The following TMEM132C variants were observed in gnomAD, a reference collection of about 807,000 sequenced individuals.
TMEM132C encodes the protein transmembrane protein 132C, also known as protein phosphatase 1, regulatory subunit 152.
TMEM132C carries 29 observed loss-of-function variants against 61.4 expected under a neutral mutation model. That is an observed-to-expected ratio of 0.47 (90% CI 0.35 to 0.64). The LOEUF (loss-of-function observed/expected upper bound fraction) is 0.64, where lower values mean the gene tolerates loss of function less well. TMEM132C is among the 30% of genes least tolerant of loss of function. The pLI is 0.00. For missense variants in TMEM132C, 1,408 were observed against 1,476.9 expected (o/e 0.95, Z 0.76); for synonymous variants, 656 against 633.1 (o/e 1.04, Z -0.54).
chr12:128,548,080 G>A (rs1304927657), intron 3 of TMEM132C, among the ~76,000 whole-genome samples: 2 of 152,214 alleles, frequency 1.3e-5, no homozygotes, highest in African/African-American at 2.4e-5. Flanking sequence ...AGCTCTGAGA[G>A]CGGCAGGCAG....
chr12:128,427,078 C>G (rs1285872786), intron 2 of TMEM132C, among the ~76,000 whole-genome samples: 1 of 152,114 alleles, frequency 6.6e-6, no homozygotes. Context: ...ATTCTGGGTA[C>G]TAAGGCATCT....
At chr12:128,534,672 C>G (rs982953205) in intron 2 of TMEM132C, among the ~76,000 whole-genome samples, 29 of 152,328 alleles carry the variant, frequency 1.9e-4, no homozygotes, top group African/African-American at 5.8e-4. Flanking sequence ...TTTTAAAATG[C>G]TGACTCTGGT....
chr12:128,567,495 T>C (rs901336863), intron 3 of TMEM132C, among the ~76,000 whole-genome samples: 1 of 143,282 alleles, frequency 7.0e-6, no homozygotes, highest in Non-Finnish European at 1.5e-5. Context: ...CTATGGAAAG[T>C]GATAGAGGTG....
chr12:128,404,505 C>T (rs1191140380), intron 1 of TMEM132C: 2 of 152,286 alleles, frequency 1.3e-5, no homozygotes, highest in Non-Finnish European at 2.9e-5. Context: ...TGTAAAGAAT[C>T]TATCTCTGGT....
At chr12:128,452,534 T>G (rs1415471005) in intron 2 of TMEM132C, among the ~76,000 whole-genome samples, 3 of 149,972 alleles carry the variant, frequency 2.0e-5, no homozygotes, top group Non-Finnish European at 4.4e-5. Flanking sequence ...AATACAAAAA[T>G]TAGCCAGGCA....
chr12:128,415,123 T>A lies in TMEM132C; in HGVS notation c.477T>A (p.Asp159Glu). Residue 159 changes from aspartate (D) to glutamate (E), a missense_variant, in exon 2 of 9, where the codon GAT (aspartate) becomes GAA (glutamate). Coordinates refer to ENST00000435159, the MANE Select transcript of TMEM132C (RefSeq NM_001136103.3). This position sits in a 1 kb window ranked among gnomAD's most constrained non-coding sequence, Gnocchi z 5.8. The part of the protein sequence containing the change: ...VLFHIMGRDW[D>E]DHGAGEKLPC... ...TCCACATCATGGGCAGAGACTGGGA[T>A]GACCACGGCGCCGGGGAGAAGCTGC... 6.2e-7 allele frequency: 1 copy of A among 1,609,818 alleles called. No individual in the cohort carries two copies. Among genetic ancestry groups the A allele is most frequent in the Middle Eastern group, 1.7e-4 (1 of 6,058 alleles).
At chr12:128,662,603 G>A (rs1323576199) in intron 4 of TMEM132C, among the ~76,000 whole-genome samples, 1 of 152,148 alleles carries the variant, frequency 6.6e-6, no homozygotes, top group African/African-American at 2.4e-5. Flanking sequence ...CCCCAGACAA[G>A]TCAGTCACTC....
intron 4 of TMEM132C, among the ~76,000 whole-genome samples, chr12:128,659,329 G>A (rs947577711): frequency 1.3e-5 from 2 of 152,166 alleles, no homozygotes; most frequent in African/African-American, 4.8e-5. Context: ...AGCCATTACA[G>A]ACACCTGCTC....
intron 1 of TMEM132C, among the ~76,000 whole-genome samples, chr12:128,292,755 T>A (rs1871285828): frequency 6.6e-6 from 1 of 152,166 alleles, no homozygotes; most frequent in Admixed American, 6.5e-5. Context: ...GGTACCCTAG[T>A]ACCTAGATGA....
chr12:128,555,712 C>CTTTTTTTTTTTTTTTTTTTTT (rs1366121376), intron 3 of TMEM132C, among the ~76,000 whole-genome samples: 2 of 140,518 alleles, frequency 1.4e-5, no homozygotes, highest in South Asian at 2.3e-4. Context: ...TGTTGCCTAA[C>CTTTTTTTTTTTTTTTTTTTTT]TTTTTTTTTT....
intron 1 of TMEM132C, among the ~76,000 whole-genome samples, chr12:128,269,358 G>GTGTGTGTT (rs1336481250): frequency 5.3e-5 from 8 of 151,590 alleles, no homozygotes; most frequent in Non-Finnish European, 2.9e-5. Context: ...GTGTGTGTGT[G>GTGTGTGTT]TGTGTGTGTG....
At chr12:128,495,983 T>C (rs1228776604) in intron 2 of TMEM132C, among the ~76,000 whole-genome samples, 2 of 151,884 alleles carry the variant, frequency 1.3e-5, no homozygotes, top group Admixed American at 6.6e-5. Flanking sequence ...GTTGTTTCTT[T>C]CCATGTTTAG....
intron 1 of TMEM132C, among the ~76,000 whole-genome samples, chr12:128,276,893 T>TACACACACACAC (rs1870710329): frequency 1.4e-5 from 1 of 69,188 alleles, no homozygotes; most frequent in Non-Finnish European, 2.6e-5. Flanking sequence ...TGTGCGTGCA[T>TACACACACACAC]GCACACACAC....
At chr12:128,564,572 A>G (rs182800534) in intron 3 of TMEM132C, among the ~76,000 whole-genome samples, 1 of 152,238 alleles carries the variant, frequency 6.6e-6, no homozygotes, top group Non-Finnish European at 1.5e-5. Context: ...AGATATGGGT[A>G]CGATGGGTCC....
At chr12:128,617,516 G>C (rs1049026222) in intron 4 of TMEM132C, among the ~76,000 whole-genome samples, 1 of 152,200 alleles carries the variant, frequency 6.6e-6, no homozygotes, top group South Asian at 2.1e-4. Context: ...CCCTGGGGCA[G>C]GTGTGGAATC....
intron 2 of TMEM132C, among the ~76,000 whole-genome samples, chr12:128,526,635 G>A (rs1873095386): frequency 6.6e-6 from 1 of 152,190 alleles, no homozygotes; most frequent in Admixed American, 6.5e-5. Flanking sequence ...GTCAGAGAGT[G>A]ATAAAGGCTA....
chr12:128,696,191 C>A, intron 7 of TMEM132C, 88 bp downstream of exon 7: 1 of 1,463,132 alleles, frequency 6.8e-7, no homozygotes. Context: ...TCACTGTGGC[C>A]GATTCCCCAA....
intron 3 of TMEM132C, among the ~76,000 whole-genome samples, chr12:128,609,174 CACCTCCCT>C (rs1445266383): frequency 5.9e-5 from 8 of 135,362 alleles, no homozygotes; most frequent in African/African-American, 1.9e-4. Context: ...CTGTAACCCC[CACCTCCCT>C]GCAACCCTGT....
intron 4 of TMEM132C, among the ~76,000 whole-genome samples, chr12:128,621,884 T>C (rs1953966399): frequency 6.6e-6 from 1 of 152,134 alleles, no homozygotes; most frequent in South Asian, 2.1e-4. Flanking sequence ...TTCCCTCCGT[T>C]ATGCCCACAG....
Sources: gnomAD v4.1 joint callset for allele counts (sites outside exome capture counted in the v4.1 genomes callset) on GRCh38, gnomAD v4.1.1 for gene constraint, Gnocchi (gnomAD v3.1) non-coding constraint, MANE v1.5 for transcripts, NCBI Gene and HGNC (gene_info 2026-07-23, HGNC 2026-07-21) for gene names.